PI4K2A: variants seen among roughly 807,000 people sequenced by gnomAD.
The protein encoded by PI4K2A is phosphatidylinositol 4-kinase type 2-alpha.
PI4K2A carries 20 observed loss-of-function variants against 55.0 expected under a neutral mutation model. The ratio of observed to expected loss-of-function variants is 0.36; its 90% CI spans 0.26 to 0.53. The LOEUF is 0.53. PI4K2A is among the 20% of genes least tolerant of loss of function. The pLI is 0.91. For synonymous variants in PI4K2A, 235 were observed against 258.5 expected (o/e 0.91, Z 0.87); for missense variants, 463 against 637.1 (o/e 0.73, Z 2.94).
chr10:97,666,994 G>A (rs12253175), intron 7 of PI4K2A, 67 bp from the exon 8 acceptor site: 25,864 of 1,246,700 alleles, frequency 0.021, 1,442 homozygotes, highest in East Asian at 0.15. Flanking sequence ...GTTTCTAACT[G>A]GGGGAGAAAA....
chr10:97,641,248 G>C, intron 1 of PI4K2A, 71 bp downstream of exon 1: 1 of 1,155,480 alleles, frequency 8.7e-7, no homozygotes. Flanking sequence ...TGGGGGCTTC[G>C]CACAGCCAGA....
chr10:97,662,421 G>C (rs1186552691), intron 4 of PI4K2A, among the ~76,000 whole-genome samples: 1 of 152,152 alleles, frequency 6.6e-6, no homozygotes, highest in East Asian at 1.9e-4. Context: ...AAGCATCTAG[G>C]GCAATAGCAA....
intron 1 of PI4K2A, among the ~76,000 whole-genome samples, chr10:97,641,709 T>C (rs1354363856): frequency 2.0e-5 from 3 of 152,170 alleles, no homozygotes; most frequent in Admixed American, 1.3e-4. Context: ...GAAGAAAGAA[T>C]GGGCGGACTC....
chr10:97,663,218 CT>C (rs1473872724), intron 5 of PI4K2A, among the ~76,000 whole-genome samples: 5 of 152,184 alleles, frequency 3.3e-5, no homozygotes, highest in African/African-American at 1.2e-4. Context: ...GTACTCTGTT[CT>C]TTGAGCTTCT....
intron 4 of PI4K2A, among the ~76,000 whole-genome samples, chr10:97,660,064 C>T (rs1141347): frequency 3.5e-5 from 5 of 142,000 alleles, no homozygotes; most frequent in East Asian, 4.2e-4. Context: ...TGCAGTGGCG[C>T]GATCTCGGCT....
intron 1 of PI4K2A, among the ~76,000 whole-genome samples, chr10:97,650,192 A>T (rs1045946274): frequency 6.6e-6 from 1 of 150,400 alleles, no homozygotes; most frequent in Non-Finnish European, 1.5e-5. Flanking sequence ...AGGATATTGT[A>T]TCTTTCTGGA....
At position 97,642,847 on chromosome 10, in the gene PI4K2A, CTTCCTTTCTTTCTTTCTT is replaced by C. The variant is rs1379220938; in HGVS notation, c.435+1673_435+1690del. Among the ~76,000 whole-genome samples the C allele has an allele frequency of 1.3e-3, 23 of 18,014 alleles. 3 individuals carry two copies. Among genetic ancestry groups the C allele is most frequent in the Admixed American group, 2.9e-3 (6 of 2,054 alleles). 11.8% of individuals were successfully genotyped at this position (18,014 alleles called of 152,430 possible). ...CCTTCCTTCCTTCCTTCCTTCCTTC[CTTCCTTTCTTTCTTTCTT>C]TTTCTTTCTTTCTTTCTTTCTTCCT... is the stretch of plus-strand genomic sequence containing the variant. On this transcript the variant is annotated intron_variant, in intron 1 of 8. Coordinates refer to ENST00000370631, the Ensembl canonical transcript of PI4K2A.
chr10:97,659,332 C>A (rs989825585), intron 4 of PI4K2A, among the ~76,000 whole-genome samples: 6 of 151,952 alleles, frequency 3.9e-5, no homozygotes. Flanking sequence ...CTGCGCCTGG[C>A]TTGCAACTGA....
chr10:97,656,522 C>A lies in PI4K2A; in HGVS notation c.768+106C>A. ...ACTCAAATATGGGCACGTGAATAAC[C>A]TGCCCTGAGGATCCTGTCTTCCTTA... On this transcript the variant is annotated intron_variant, in intron 3 of 8. Coordinates refer to ENST00000370631, the Ensembl canonical transcript of PI4K2A. The surrounding 1 kb of genome is among the most constrained non-coding windows in gnomAD (Gnocchi z 4.5). 9.3e-7 allele frequency: 1 copy of A among 1,071,548 alleles called. No individual in the cohort carries two copies. The highest frequency in any genetic ancestry group is 1.4e-6 in the Non-Finnish European group (1 of 720,860). 66.4% of individuals were successfully genotyped at this position (1,071,548 alleles called of 1,614,324 possible).
At chr10:97,648,727 C>T (rs557599336) in intron 1 of PI4K2A, among the ~76,000 whole-genome samples, 1 of 152,298 alleles carries the variant, frequency 6.6e-6, no homozygotes, top group East Asian at 1.9e-4. Flanking sequence ...TTACAGTGGA[C>T]TCGTCAGTCA....
exon 7 of PI4K2A, chr10:97,666,568 C>G (rs1191057863): frequency 2.5e-6 from 4 of 1,610,502 alleles, no homozygotes; most frequent in Non-Finnish European, 3.4e-6. Flanking sequence ...ATGAACTCTT[C>G]AAGGTTAGCC....
chr10:97,665,006 G>A (rs769928243), intron 6 of PI4K2A, 22 bp downstream of exon 6: 3 of 1,441,502 alleles, frequency 2.1e-6, no homozygotes, highest in Non-Finnish European at 2.9e-6. Flanking sequence ...GACAATGGTG[G>A]TCTGGCTCTT....
exon 9 of PI4K2A, chr10:97,674,248 C>G (rs74643603): frequency 0.025 from 3,831 of 153,032 alleles, 125 homozygotes; most frequent in African/African-American, 0.086. Flanking sequence ...CAGAGGGCAA[C>G]TGGATGACTC....
At chr10:97,647,328 A>T (rs921297886) in intron 1 of PI4K2A, among the ~76,000 whole-genome samples, 1 of 152,214 alleles carries the variant, frequency 6.6e-6, no homozygotes, top group African/African-American at 2.4e-5. Flanking sequence ...ATTAAGAGAA[A>T]AAAAACACAA....
In PI4K2A at chr10:97,641,064, C is replaced by CCTGA; in HGVS notation, c.323_326dup (p.Glu109AspfsTer2). ...CGAGCGGAACGAGTTCCCGGAGGAT[C>CCTGA]CTGAGTTCGAGGCGGTGGTGCGGCA... On this transcript the variant is annotated frameshift_variant, in exon 1 of 9. Coordinates refer to ENST00000370631, the Ensembl canonical transcript of PI4K2A. LOFTEE classifies it high-confidence loss of function. The CCTGA allele has an allele frequency of 1.9e-6, 3 of 1,607,168 alleles. No individual in the cohort carries two copies. Among genetic ancestry groups the CCTGA allele is most frequent in the Non-Finnish European group, 2.5e-6 (3 of 1,179,358 alleles).
At chr10:97,662,257 A>G (rs1367320308) in intron 4 of PI4K2A, among the ~76,000 whole-genome samples, 3 of 152,000 alleles carry the variant, frequency 2.0e-5, no homozygotes, top group Non-Finnish European at 4.4e-5. Context: ...GATCTGTTTT[A>G]ATTTTCAGTT....
intron 8 of PI4K2A, among the ~76,000 whole-genome samples, chr10:97,673,260 G>A (rs2041645545): frequency 6.6e-6 from 1 of 152,110 alleles, no homozygotes; most frequent in Non-Finnish European, 1.5e-5. Flanking sequence ...CAAAGTGCTG[G>A]GATTACAGGC....
chr10:97,658,522 C>G (rs934980011), intron 4 of PI4K2A, among the ~76,000 whole-genome samples: 1 of 152,158 alleles, frequency 6.6e-6, no homozygotes, highest in Non-Finnish European at 1.5e-5. Flanking sequence ...CTCTTCAAGA[C>G]CCTGCTTTCA....
chr10:97,667,599 C>T (rs2041616035), intron 8 of PI4K2A, among the ~76,000 whole-genome samples: 2 of 152,180 alleles, frequency 1.3e-5, no homozygotes, highest in African/African-American at 4.8e-5. Context: ...TCCCAATTCT[C>T]CCACCTCTTC....
Sources: gnomAD v4.1 joint callset for allele counts (sites outside exome capture counted in the v4.1 genomes callset) on GRCh38, gnomAD v4.1.1 for gene constraint, Gnocchi (gnomAD v3.1) non-coding constraint, MANE v1.5 for transcripts, NCBI Gene and HGNC (gene_info 2026-07-23, HGNC 2026-07-21) for gene names.